RAD54L2: variants seen among roughly 807,000 people sequenced by gnomAD.
The protein encoded by RAD54L2 is helicase ARIP4.
In RAD54L2, 27 loss-of-function variants were observed where a neutral mutation model predicts 138.4. The observed-to-expected ratio is 0.20, with a 90% CI of 0.14 to 0.27. RAD54L2 has a LOEUF of 0.27. RAD54L2 is among the 10% of genes least tolerant of loss of function. The pLI is 1.00. For synonymous variants in RAD54L2, 644 were observed against 723.2 expected (o/e 0.89, Z 1.76); for missense variants, 1,396 against 1,890.2 (o/e 0.74, Z 4.85).
chr3:51,609,218 G>T (rs751004099), intron 3 of RAD54L2, among the ~76,000 whole-genome samples: 1 of 152,220 alleles, frequency 6.6e-6, no homozygotes, highest in African/African-American at 2.4e-5. Flanking sequence ...GGCTTTACCT[G>T]TCTTCTCTGA....
chr3:51,615,336 G>A (rs565724605), intron 3 of RAD54L2, among the ~76,000 whole-genome samples: 7 of 152,274 alleles, frequency 4.6e-5, no homozygotes, highest in South Asian at 2.1e-4. Flanking sequence ...TTATTTAGGC[G>A]TCTTGGCAAA....
Position 51,663,187 on chromosome 3 carries a change from C to G in RAD54L2, c.4171C>G (p.Leu1391Val), listed in dbSNP as rs557480135. Residue 1391 changes from leucine (L) to valine (V), a missense_variant, in exon 23 of 23, where the codon CTG (leucine) becomes GTG (valine). Physicochemically the swap from Leu to Val is conservative, Grantham distance 32. Around this residue, in one of 7 missense-constraint regions of RAD54L2, gnomAD observed 634 missense variants for 711.2 expected, o/e 0.89. Coordinates refer to ENST00000684192, the MANE Select transcript of RAD54L2 (RefSeq NM_015106.4). ...SYSLPFSQPL[L>V]SEPRMFAPFP... is the part of the protein sequence containing the mutation. ...TTCACTCCCATTCTCACAGCCACTC[C>G]TGTCCGAGCCGAGGATGTTTGCGCC... is the stretch of plus-strand genomic sequence containing the variant. The G allele has an allele frequency of 1.2e-5, 19 of 1,613,898 alleles. No homozygotes were observed. Among genetic ancestry groups the G allele is most frequent in the Non-Finnish European group, 1.6e-5 (19 of 1,179,900 alleles).
At chr3:51,598,629 G>A (rs527737224) in intron 3 of RAD54L2, among the ~76,000 whole-genome samples, 2 of 152,112 alleles carry the variant, frequency 1.3e-5, no homozygotes, top group African/African-American at 2.4e-5. Context: ...GGTGGTGCAC[G>A]CCTGTAATCC....
At chr3:51,553,011 ATTAAT>A (rs757643188) in intron 2 of RAD54L2, among the ~76,000 whole-genome samples, 43 of 151,756 alleles carry the variant, frequency 2.8e-4, no homozygotes, top group Admixed American at 5.2e-4. Flanking sequence ...GGCTGATTTA[ATTAAT>A]TTATTTTGTT....
intron 2 of RAD54L2, among the ~76,000 whole-genome samples, chr3:51,587,707 C>T (rs1699739333): frequency 1.3e-5 from 2 of 152,064 alleles, no homozygotes; most frequent in African/African-American, 2.4e-5. Context: ...TCTAAATAAT[C>T]TAGTTTGCTT....
In RAD54L2 at chr3:51,637,130, C is replaced by T; in HGVS notation, c.1340-31C>T. Reference sequence around the variant, plus strand: ...ATTGACTAAGAGCAGGCCCTGTCACCCTCTGACTCCGGATCCTCTTCCCTC... The same window carrying T: ...ATTGACTAAGAGCAGGCCCTGTCACTCTCTGACTCCGGATCCTCTTCCCTC... On this transcript the variant is annotated intron_variant, in intron 10 of 22. Transcript: ENST00000684192. The surrounding 1 kb of genome is among the most constrained non-coding windows in gnomAD (Gnocchi z 5.9). 6.5e-7 allele frequency: 1 copy of T among 1,540,688 alleles called. No homozygotes were observed. Among genetic ancestry groups the T allele is most frequent in the Non-Finnish European group, 8.8e-7 (1 of 1,136,020 alleles).
chr3:51,656,051 G>C lies in RAD54L2; in HGVS notation c.3107G>C (p.Arg1036Pro). 6.2e-7 allele frequency: 1 copy of C among 1,613,916 alleles called. No homozygotes were observed. Among genetic ancestry groups the C allele is most frequent in the South Asian group, 1.1e-5 (1 of 91,072 alleles). ...TCCACCCCCATCCCCATGATGCCCCGGCATGTCCCATTGGGAGGAAGTGTA... is the reference window on the plus strand; with the variant it reads ...TCCACCCCCATCCCCATGATGCCCCCGCATGTCCCATTGGGAGGAAGTGTA... ...VQSTPIPMMP[R>P]HVPLGGSVSS... The change falls in exon 20 of 23, where the codon CGG becomes CCG. Residue 1036 changes from arginine to proline, a missense_variant. By Grantham distance (103) the Arg-to-Pro change is moderately radical. This residue lies in a region of RAD54L2 where 634 missense variants were observed against 711.2 expected (regional missense o/e 0.89). Coordinates refer to ENST00000684192, the MANE Select transcript of RAD54L2 (RefSeq NM_015106.4).
At chr3:51,649,950 G>A (rs1281751049) in intron 19 of RAD54L2, among the ~76,000 whole-genome samples, 1 of 147,542 alleles carries the variant, frequency 6.8e-6, no homozygotes, top group Non-Finnish European at 1.5e-5. Context: ...AACTTTAAAT[G>A]TAAATGGGCT....
In RAD54L2 at chr3:51,598,181, A is replaced by G. The variant is rs578199255; in HGVS notation, c.139+7622A>G. Among the ~76,000 whole-genome samples the G allele has an allele frequency of 8.2e-3, 1,161 of 141,114 alleles. 8 individuals carry two copies. The highest frequency in any genetic ancestry group is 0.025 in the Middle Eastern group (7 of 280). 92.6% of individuals were successfully genotyped at this position (141,114 alleles called of 152,430 possible). ...TGTGTGTGTGTGTGTGTGTGTGTATATATATATATATATATATTTGGCTTA... is the reference window on the plus strand; with the variant it reads ...TGTGTGTGTGTGTGTGTGTGTGTATGTATATATATATATATATTTGGCTTA... On this transcript the variant is annotated intron_variant, in intron 3 of 22. Coordinates refer to ENST00000684192, the MANE Select transcript of RAD54L2 (RefSeq NM_015106.4).
At chr3:51,652,402 C>G (rs1177250043) in intron 19 of RAD54L2, among the ~76,000 whole-genome samples, 1 of 152,120 alleles carries the variant, frequency 6.6e-6, no homozygotes, top group Non-Finnish European at 1.5e-5. Context: ...AAGCTACCAA[C>G]GACTTTCTTC....
In RAD54L2 at chr3:51,662,756, C is replaced by A. The variant is rs773947124; in HGVS notation, c.3740C>A (p.Pro1247Gln). The A allele has an allele frequency of 7.4e-6, 12 of 1,612,234 alleles. No individual in the cohort carries two copies. The highest frequency in any genetic ancestry group is 1.3e-5 in the African/African-American group (1 of 74,890). ...GGCCAGCCCTGTGGTGACAGGCACC[C>A]AGTGCTGGACTTAAGGGGCCACAAG... ...VTGQPCGDRH[P>Q]VLDLRGHKRK... is the part of the protein sequence containing the mutation. Residue 1247 changes from proline (P) to glutamine (Q), a missense_variant, in exon 23 of 23, where the codon CCA (proline) becomes CAA (glutamine). Pro to Gln is a moderately conservative substitution (Grantham distance 76). Coordinates refer to ENST00000684192, the MANE Select transcript of RAD54L2 (RefSeq NM_015106.4). The surrounding 1 kb of genome is among the most constrained non-coding windows in gnomAD (Gnocchi z 4.6).
chr3:51,653,090 TCAAA>T (rs1407933863), intron 19 of RAD54L2, among the ~76,000 whole-genome samples: 1 of 151,602 alleles, frequency 6.6e-6, no homozygotes, highest in African/African-American at 2.4e-5. Context: ...CAAGAAAAAA[TCAAA>T]CAACCCCATC....
chr3:51,637,601 AG>A lies in RAD54L2; in HGVS notation c.1682+101del. 1 of 1,229,922 alleles carries A rather than the reference AG, an allele frequency of 8.1e-7. No homozygotes were observed. Among genetic ancestry groups the A allele is most frequent in the African/African-American group, 1.5e-5 (1 of 65,958 alleles). 76.2% of individuals were successfully genotyped at this position (1,229,922 alleles called of 1,614,324 possible). A position where few individuals can be genotyped will look rare whatever the true frequency, so the allele number is the denominator to read the frequency against. ...ATACAGGATAGGGTGTTGGAGTAGG[AG>A]GGCCCCTTCCCTGGGGCAGTAGTAA... On this transcript the variant is annotated intron_variant, in intron 11 of 22. Coordinates refer to ENST00000684192, the MANE Select transcript of RAD54L2 (RefSeq NM_015106.4). This position sits in a 1 kb window ranked among gnomAD's most constrained non-coding sequence, Gnocchi z 5.9.
At chr3:51,564,603 T>A (rs768967555) in intron 2 of RAD54L2, among the ~76,000 whole-genome samples, 1 of 152,168 alleles carries the variant, frequency 6.6e-6, no homozygotes, top group Non-Finnish European at 1.5e-5. Flanking sequence ...CTTCTTGGCT[T>A]AACTATATAG....
intron 3 of RAD54L2, among the ~76,000 whole-genome samples, chr3:51,601,861 G>T (rs1337039551): frequency 7.3e-5 from 11 of 150,182 alleles, no homozygotes; most frequent in Admixed American, 4.0e-4. Context: ...TTGTTTTTTT[G>T]TTGTTTTTTT....
At chr3:51,597,231 A>C (rs1315661143) in intron 3 of RAD54L2, among the ~76,000 whole-genome samples, 4 of 151,920 alleles carry the variant, frequency 2.6e-5, no homozygotes, top group Non-Finnish European at 4.4e-5. Flanking sequence ...TTTATAACAA[A>C]TCAAAGTCCA....
At chr3:51,636,878 A>C (rs972215215) in intron 10 of RAD54L2, among the ~76,000 whole-genome samples, 3 of 152,106 alleles carry the variant, frequency 2.0e-5, no homozygotes, top group Admixed American at 2.0e-4. Context: ...GGTTGCAGTG[A>C]GCGGAGATTG....
chr3:51,614,805 C>T (rs761552563), intron 3 of RAD54L2, among the ~76,000 whole-genome samples: 2 of 151,616 alleles, frequency 1.3e-5, no homozygotes, highest in African/African-American at 2.4e-5. Context: ...GAGCCACTGG[C>T]GCCTGGCCTC....
At chr3:51,585,055 C>G (rs1011024529) in intron 2 of RAD54L2, among the ~76,000 whole-genome samples, 1 of 152,022 alleles carries the variant, frequency 6.6e-6, no homozygotes, top group African/African-American at 2.4e-5. Context: ...AAACGATTCT[C>G]CTGCCTCAGT....
Sources: gnomAD v4.1 joint callset for allele counts (sites outside exome capture counted in the v4.1 genomes callset) on GRCh38, gnomAD v4.1.1 for gene constraint, gnomAD v4.1.1 regional missense constraint, Gnocchi (gnomAD v3.1) non-coding constraint, MANE v1.5 for transcripts, NCBI Gene and HGNC (gene_info 2026-07-23, HGNC 2026-07-21) for gene names.